DOK6: variants seen among roughly 807,000 people sequenced by gnomAD.
The protein encoded by DOK6 is downstream of tyrosine kinase 6.
In DOK6, 22 loss-of-function variants were observed where a neutral mutation model predicts 44.0. The ratio of observed to expected loss-of-function variants is 0.50; its 90% CI spans 0.36 to 0.71. The LOEUF is 0.71. Ranked by LOEUF, DOK6 falls within the 30% of genes least tolerant of loss-of-function variation. The pLI is 0.00. For missense variants in DOK6, 340 were observed against 416.4 expected, an observed-to-expected ratio of 0.82 and a Z score of 1.60; for synonymous variants, 166 against 145.5, an observed-to-expected ratio of 1.14 and a Z score of -1.01.
chr18:69,580,898 A>G (rs1338362311), intron 2 of DOK6, among the ~76,000 whole-genome samples: 2 of 151,910 alleles, frequency 1.3e-5, no homozygotes, highest in Non-Finnish European at 2.9e-5. Flanking sequence ...TCAACTTTTT[A>G]GTTTCTACAT....
intron 1 of DOK6, among the ~76,000 whole-genome samples, chr18:69,441,047 T>A (rs988174263): frequency 6.6e-6 from 1 of 152,122 alleles, no homozygotes; most frequent in African/African-American, 2.4e-5. Context: ...ATTAAACTTT[T>A]CAAATTAATT....
chr18:69,815,436 G>A (rs1432670596), intron 7 of DOK6, among the ~76,000 whole-genome samples: 2 of 152,158 alleles, frequency 1.3e-5, no homozygotes, highest in Non-Finnish European at 2.9e-5. Context: ...AGAGATAGGT[G>A]CTAAAATTTG....
At chr18:69,751,803 A>G (rs1373389210) in intron 6 of DOK6, among the ~76,000 whole-genome samples, 1 of 152,116 alleles carries the variant, frequency 6.6e-6, no homozygotes, top group Non-Finnish European at 1.5e-5. Context: ...CCAGGGTTCC[A>G]GAGCAGCCTG....
At chr18:69,734,215 G>C (rs1468281638) in intron 5 of DOK6, among the ~76,000 whole-genome samples, 5 of 151,270 alleles carry the variant, frequency 3.3e-5, no homozygotes, top group Non-Finnish European at 1.5e-5. Flanking sequence ...TAACTGACTT[G>C]AGACTCTACT....
chr18:69,455,588 G>C (rs547366468), intron 1 of DOK6, among the ~76,000 whole-genome samples: 1 of 152,128 alleles, frequency 6.6e-6, no homozygotes, highest in African/African-American at 2.4e-5. Context: ...AAATTGTGTG[G>C]AGTCACAATT....
At chr18:69,557,919 C>T (rs1445341900) in intron 1 of DOK6, among the ~76,000 whole-genome samples, 35 of 152,112 alleles carry the variant, frequency 2.3e-4, no homozygotes, top group Admixed American at 2.1e-3. Context: ...AAGTAGTACC[C>T]GAAGAGACTG....
intron 3 of DOK6, among the ~76,000 whole-genome samples, chr18:69,620,811 CT>C (rs1285937994): frequency 1.3e-5 from 2 of 152,092 alleles, no homozygotes; most frequent in South Asian, 2.1e-4. Flanking sequence ...GCCTGTAAAC[CT>C]TGTGTACTTT....
At chr18:69,587,409 G>T (rs975944566) in intron 2 of DOK6, among the ~76,000 whole-genome samples, 1 of 151,828 alleles carries the variant, frequency 6.6e-6, no homozygotes, top group Non-Finnish European at 1.5e-5. Context: ...CCCTCTCCTC[G>T]TCTCTTGTAA....
chr18:69,775,220 G>A (rs950066875), intron 7 of DOK6, among the ~76,000 whole-genome samples: 2 of 152,084 alleles, frequency 1.3e-5, no homozygotes, highest in East Asian at 1.9e-4. Flanking sequence ...AAAATGCTGA[G>A]TTTACCAAAC....
chr18:69,587,824 G>A (rs1218050101), intron 2 of DOK6, among the ~76,000 whole-genome samples: 8 of 149,598 alleles, frequency 5.3e-5, no homozygotes, highest in African/African-American at 9.8e-5. Context: ...TTTCTACTTC[G>A]GCGCCTATAT....
At position 69,842,507 on chromosome 18, in the gene DOK6, T is replaced by G. The variant is rs1449825467; in HGVS notation, c.*1124T>G. The G allele has an allele frequency of 2.6e-5, 4 of 152,198 alleles. No homozygotes were observed. Among genetic ancestry groups the G allele is most frequent in the African/African-American group, 9.7e-5 (4 of 41,418 alleles). The allele number at this position is 152,198 out of a possible 1,614,324, so 9.4% of individuals were successfully genotyped here. Reference sequence around the variant, plus strand: ...GAGAAGAACAAAATGGGTACAGGATTGTGGATATCATAGATGCTGTTCTCA... The same window carrying G: ...GAGAAGAACAAAATGGGTACAGGATGGTGGATATCATAGATGCTGTTCTCA... On this transcript the variant is annotated 3_prime_UTR_variant, in exon 8 of 8. Coordinates refer to ENST00000382713, the MANE Select transcript of DOK6 (RefSeq NM_152721.6).
At chr18:69,552,440 T>C (rs1982588447) in intron 1 of DOK6, among the ~76,000 whole-genome samples, 2 of 152,164 alleles carry the variant, frequency 1.3e-5, no homozygotes, top group Admixed American at 1.3e-4. Context: ...CAATAAAATT[T>C]GTATTTGTAA....
intron 5 of DOK6, among the ~76,000 whole-genome samples, chr18:69,718,768 T>C (rs1335462123): frequency 6.6e-6 from 1 of 152,150 alleles, no homozygotes; most frequent in Non-Finnish European, 1.5e-5. Flanking sequence ...CATCCCAATA[T>C]GTTGGATCTC....
At chr18:69,552,074 G>A (rs979663039) in intron 1 of DOK6, among the ~76,000 whole-genome samples, 3 of 152,070 alleles carry the variant, frequency 2.0e-5, no homozygotes, top group Non-Finnish European at 4.4e-5. Context: ...AATTAGGAGA[G>A]GATTTTAAAA....
At chr18:69,567,505 G>A (rs994619571) in intron 2 of DOK6, among the ~76,000 whole-genome samples, 6 of 152,068 alleles carry the variant, frequency 3.9e-5, no homozygotes, top group African/African-American at 1.4e-4. Context: ...GAACAATTCG[G>A]TGTGATCAAG....
chr18:69,726,943 C>T (rs921835391), intron 5 of DOK6, among the ~76,000 whole-genome samples: 1 of 152,110 alleles, frequency 6.6e-6, no homozygotes, highest in African/African-American at 2.4e-5. Context: ...CAGCCTTGAC[C>T]TCTTGGCCTC....
chr18:69,432,695 T>G (rs1978841644), intron 1 of DOK6, among the ~76,000 whole-genome samples: 1 of 152,194 alleles, frequency 6.6e-6, no homozygotes, highest in Non-Finnish European at 1.5e-5. Flanking sequence ...TTTGGTGGTG[T>G]TACTGCATAG....
chr18:69,404,625 T>C (rs1916164353), intron 1 of DOK6, among the ~76,000 whole-genome samples: 1 of 152,210 alleles, frequency 6.6e-6, no homozygotes, highest in African/African-American at 2.4e-5. Context: ...ATCATTTTTT[T>C]TCAAGGAATT....
chr18:69,775,431 G>C (rs1980031891), intron 7 of DOK6, among the ~76,000 whole-genome samples: 2 of 151,830 alleles, frequency 1.3e-5, no homozygotes, highest in South Asian at 4.1e-4. Flanking sequence ...ATAGTTGATA[G>C]CAGTAACAAG....
Sources: allele counts gnomAD v4.1 joint callset (sites outside exome capture counted in the v4.1 genomes callset), GRCh38; gene constraint gnomAD v4.1.1; transcripts MANE v1.5; gene names NCBI Gene and HGNC (gene_info 2026-07-23, HGNC 2026-07-21).